Variants in GNA12 observed in about 807,000 individuals in gnomAD.
GNA12 encodes guanine nucleotide-binding protein subunit alpha-12.
GNA12 carries 9 observed loss-of-function variants against 26.0 expected under a neutral mutation model. The ratio of observed to expected loss-of-function variants is 0.35; its 90% CI spans 0.21 to 0.60. The LOEUF (loss-of-function observed/expected upper bound fraction) is 0.60, where lower values mean the gene tolerates loss of function less well. Ranked by LOEUF, GNA12 falls within the 20% of genes least tolerant of loss-of-function variation. GNA12 has a pLI of 0.78. For synonymous variants in GNA12, 264 were observed against 219.6 expected (o/e 1.20, Z -1.79); for missense variants, 405 against 525.8 (o/e 0.77, Z 2.25).
At chr7:2,762,700 G>C (rs759291699) in intron 2 of GNA12, 10 of 1,573,146 alleles carry the variant, frequency 6.4e-6, no homozygotes, top group Middle Eastern at 1.7e-4. Flanking sequence ...TGCCCGGGTG[G>C]AGGAGCGCCA....
At chr7:2,746,158 C>T (rs1790753296) in intron 2 of GNA12, among the ~76,000 whole-genome samples, 1 of 152,170 alleles carries the variant, frequency 6.6e-6, no homozygotes, top group South Asian at 2.1e-4. Context: ...TTCAGCTCTG[C>T]ACCAAGCAGA....
intron 2 of GNA12, among the ~76,000 whole-genome samples, chr7:2,757,128 CCTTTTTTTT>C (rs1261280737): frequency 2.8e-4 from 32 of 115,152 alleles, no homozygotes; most frequent in Non-Finnish European, 4.4e-4. Context: ...ATCAGGTGGG[CCTTTTTTTT>C]TTTTTTTTTT....
chr7:2,767,436 T>TA (rs902642560), intron 2 of GNA12, among the ~76,000 whole-genome samples: 107 of 151,648 alleles, frequency 7.1e-4, no homozygotes, highest in African/African-American at 2.5e-3. Context: ...TTGTGGTACT[T>TA]AAAAAAAAAT....
chr7:2,757,710 A>C (rs1438468728), intron 2 of GNA12, among the ~76,000 whole-genome samples: 1 of 152,226 alleles, frequency 6.6e-6, no homozygotes, highest in African/African-American at 2.4e-5. Context: ...AAAAACCTTT[A>C]GTACTTCTTA....
chr7:2,832,888 T>C (rs1317616556), intron 1 of GNA12, among the ~76,000 whole-genome samples: 1 of 152,180 alleles, frequency 6.6e-6, no homozygotes, highest in African/African-American at 2.4e-5. Context: ...GTCCTCTGGA[T>C]GCCGCACTTC....
intron 1 of GNA12, among the ~76,000 whole-genome samples, chr7:2,820,635 G>A (rs1307706294): frequency 6.6e-6 from 1 of 152,218 alleles, no homozygotes; most frequent in African/African-American, 2.4e-5. Context: ...GCAGCTGCTT[G>A]TTGTCCAGAC....
In GNA12 at chr7:2,820,295, T is replaced by C. The variant is rs184132255; in HGVS notation, c.309+23558A>G. On this transcript the variant is annotated intron_variant, in intron 1 of 3. Transcript: ENST00000275364. ...TGGGGTGATGAAAATGTTTTAAAAA[T>C]TGACTGTGGTGATGGCTGCACAGCT... is the stretch of plus-strand genomic sequence containing the variant. Among the ~76,000 whole-genome samples, 611 of 152,240 alleles carry C rather than the reference T, an allele frequency of 4.0e-3. 17 individuals carry two copies. Among genetic ancestry groups the C allele is most frequent in the Admixed American group, 0.036 (549 of 15,282 alleles).
rs112377400 is a variant in GNA12 at position 2,824,449 on chromosome 7, C to A, written c.309+19404G>T. Reference sequence around the variant, plus strand: ...GTGCTCTCCCCATCACCTCTGCAGGCGGCTCCCTGCCACCCCTGACATGGA... The same window carrying A: ...GTGCTCTCCCCATCACCTCTGCAGGAGGCTCCCTGCCACCCCTGACATGGA... On this transcript the variant is annotated intron_variant, in intron 1 of 3. Coordinates refer to ENST00000275364, the MANE Select transcript of GNA12 (RefSeq NM_007353.3). Among the ~76,000 whole-genome samples the A allele has an allele frequency of 2.2e-3, 335 of 152,292 alleles. 2 individuals are homozygous for A. Among genetic ancestry groups the A allele is most frequent in the African/African-American group, 8.0e-3 (332 of 41,550 alleles).
intron 2 of GNA12, among the ~76,000 whole-genome samples, chr7:2,774,867 G>A (rs1304212956): frequency 6.6e-6 from 1 of 152,132 alleles, no homozygotes; most frequent in Admixed American, 6.6e-5. Context: ...TTCTTACCTG[G>A]GGTTGGGTTG....
chr7:2,806,521 A>G (rs1215384677), intron 1 of GNA12, among the ~76,000 whole-genome samples: 1 of 151,900 alleles, frequency 6.6e-6, no homozygotes, highest in Non-Finnish European at 1.5e-5. Flanking sequence ...TTCTGATTAT[A>G]AAAGTGTATT....
At chr7:2,832,729 G>A (rs746829102) in intron 1 of GNA12, among the ~76,000 whole-genome samples, 11 of 152,180 alleles carry the variant, frequency 7.2e-5, no homozygotes, top group Admixed American at 3.3e-4. Context: ...AGATGCTGAC[G>A]TTCACAGAGA....
intron 2 of GNA12, among the ~76,000 whole-genome samples, chr7:2,737,557 G>A (rs1057448789): frequency 1.3e-5 from 2 of 152,146 alleles, no homozygotes; most frequent in African/African-American, 4.8e-5. Flanking sequence ...CCAGAGTGCT[G>A]GGATTACAGG....
At chr7:2,789,346 G>A (rs544520875) in intron 2 of GNA12, among the ~76,000 whole-genome samples, 3 of 148,220 alleles carry the variant, frequency 2.0e-5, no homozygotes, top group South Asian at 4.2e-4. Context: ...CGTTTTAGCC[G>A]GGATGGTCTC....
chr7:2,832,954 T>C (rs1778719046), intron 1 of GNA12, among the ~76,000 whole-genome samples: 1 of 152,152 alleles, frequency 6.6e-6, no homozygotes, highest in Non-Finnish European at 1.5e-5. Context: ...AGCATGAGCT[T>C]CTCTAACGGC....
intron 2 of GNA12, among the ~76,000 whole-genome samples, chr7:2,752,984 G>A (rs965669774): frequency 6.6e-6 from 1 of 152,102 alleles, no homozygotes; most frequent in Non-Finnish European, 1.5e-5. Context: ...GGTCTCCCTC[G>A]TGCTACCAAT....
At position 2,729,269 on chromosome 7, in the gene GNA12, G is replaced by C. The variant is rs758935534; in HGVS notation, c.*1912C>G. On this transcript the variant is annotated 3_prime_UTR_variant, in exon 4 of 4. Transcript: ENST00000275364. Reference sequence around the variant, plus strand: ...AACAAAGCTCACCACGCTCCGGACCGGGCTGCGCGTCACTGTTGCAGACTG... The same window carrying C: ...AACAAAGCTCACCACGCTCCGGACCCGGCTGCGCGTCACTGTTGCAGACTG... 2.6e-5 allele frequency: 4 copies of C among 152,370 alleles called. No individual in the cohort carries two copies. Among genetic ancestry groups the C allele is most frequent in the Non-Finnish European group, 4.4e-5 (3 of 68,064 alleles). 9.4% of individuals were successfully genotyped at this position (152,370 alleles called of 1,614,324 possible).
chr7:2,740,484 A>C (rs914329993), intron 2 of GNA12, among the ~76,000 whole-genome samples: 1 of 152,078 alleles, frequency 6.6e-6, no homozygotes, highest in Non-Finnish European at 1.5e-5. Flanking sequence ...TGGTGCTGCC[A>C]CCCAGATCCT....
chr7:2,762,737 T>C, intron 2 of GNA12: 1 of 1,555,360 alleles, frequency 6.4e-7, no homozygotes, highest in Non-Finnish European at 8.7e-7. Flanking sequence ...ATGTCCTCCC[T>C]CCCGCAGGAA....
intron 2 of GNA12, among the ~76,000 whole-genome samples, chr7:2,742,933 T>A (rs1301813401): frequency 6.6e-6 from 1 of 152,188 alleles, no homozygotes; most frequent in African/African-American, 2.4e-5. Context: ...GACCTGTAGG[T>A]TCTTCTCAAT....
Sources: gnomAD v4.1 joint callset for allele counts (sites outside exome capture counted in the v4.1 genomes callset) on GRCh38, gnomAD v4.1.1 for gene constraint, MANE v1.5 for transcripts, NCBI Gene and HGNC (gene_info 2026-07-23, HGNC 2026-07-21) for gene names.